Variants in TMEM45A observed in about 807,000 individuals in gnomAD.
The protein encoded by TMEM45A is transmembrane protein 45A, also known as DNA polymerase-transactivated protein 4.
In TMEM45A, 25 loss-of-function variants were observed where a neutral mutation model predicts 32.0. That is an observed-to-expected ratio of 0.78 (90% CI 0.57 to 1.09). The LOEUF (loss-of-function observed/expected upper bound fraction) is 1.09. Among genes scored for constraint, TMEM45A ranks in the 50% least tolerant of loss-of-function variants. The pLI is 0.00. For synonymous variants in TMEM45A, 122 were observed against 114.8 expected, an observed-to-expected ratio of 1.06 and a Z score of -0.40; for missense variants, 302 against 325.0, an observed-to-expected ratio of 0.93 and a Z score of 0.54.
chr3:100,517,581 C>A (rs900877067), intron 1 of TMEM45A, among the ~76,000 whole-genome samples: 1 of 152,202 alleles, frequency 6.6e-6, no homozygotes, highest in African/African-American at 2.4e-5. Flanking sequence ...TCACTGTCCC[C>A]ATGCCAAAGA....
At chr3:100,559,915 G>A (rs1485603878) in intron 4 of TMEM45A, among the ~76,000 whole-genome samples, 1 of 152,110 alleles carries the variant, frequency 6.6e-6, no homozygotes, top group Non-Finnish European at 1.5e-5. Flanking sequence ...AACAAAAACA[G>A]GCCAAAGAAA....
chr3:100,548,923 T>A (rs1163781363), intron 1 of TMEM45A, among the ~76,000 whole-genome samples: 2 of 152,164 alleles, frequency 1.3e-5, no homozygotes, highest in Non-Finnish European at 2.9e-5. Context: ...CCTGTGGCGA[T>A]CTCTTTCTTG....
chr3:100,572,374 GT>G (rs1226408595), intron 5 of TMEM45A: 1 of 152,056 alleles, frequency 6.6e-6, no homozygotes, highest in Admixed American at 6.6e-5. Context: ...TTTTTCATGT[GT>G]TTTTTGGCTA....
intron 1 of TMEM45A, among the ~76,000 whole-genome samples, chr3:100,515,707 C>G (rs1708251692): frequency 6.6e-6 from 1 of 151,574 alleles, no homozygotes. Context: ...ATTGATGGAA[C>G]TGCAGGTCAT....
chr3:100,512,296 A>G (rs1460773735), intron 1 of TMEM45A, among the ~76,000 whole-genome samples: 7 of 152,356 alleles, frequency 4.6e-5, no homozygotes, highest in Non-Finnish European at 1.5e-5. Flanking sequence ...AGTGCAATCA[A>G]ACTAGAACTC....
intron 1 of TMEM45A, among the ~76,000 whole-genome samples, chr3:100,516,660 T>C (rs962901066): frequency 2.6e-5 from 4 of 152,194 alleles, no homozygotes; most frequent in Non-Finnish European, 5.9e-5. Flanking sequence ...ACAGAAATTG[T>C]AAAGACTCAG....
rs1267316028 is a variant in TMEM45A at position 100,537,045 on chromosome 3, C to T, written c.-3-18164C>T. On this transcript the variant is annotated intron_variant, in intron 1 of 5. Transcript: ENST00000323523. ...CAAGTGATTCTACTGCCTCAGCCTCCTGAGTAGCTGGGATTACGGGCACCC... is the reference window on the plus strand; with the variant it reads ...CAAGTGATTCTACTGCCTCAGCCTCTTGAGTAGCTGGGATTACGGGCACCC... Among the ~76,000 whole-genome samples the T allele has an allele frequency of 2.0e-5, 3 of 152,172 alleles. No homozygotes were observed. In the East Asian group the frequency reaches 5.8e-4, roughly 29 times the overall value.
chr3:100,523,486 G>A (rs1329157427), intron 1 of TMEM45A, among the ~76,000 whole-genome samples: 2 of 152,228 alleles, frequency 1.3e-5, no homozygotes, highest in African/African-American at 4.8e-5. Flanking sequence ...TGCAGTGAGG[G>A]AGATCCAAGA....
rs968586799 is a variant in TMEM45A at position 100,569,053 on chromosome 3, A to G, written c.734+86A>G. 10 of 1,401,398 alleles carry G rather than the reference A, an allele frequency of 7.1e-6. No homozygotes were observed. The African/African-American group carries it at 1.0e-4, about 14-fold the overall frequency. The allele number at this position is 1,401,398 out of a possible 1,614,324, so 86.8% of individuals were successfully genotyped here. A position where few individuals can be genotyped will look rare whatever the true frequency, so the allele number is the denominator to read the frequency against. On this transcript the variant is annotated intron_variant, in intron 5 of 5. Coordinates refer to ENST00000323523, the MANE Select transcript of TMEM45A (RefSeq NM_018004.3). ...AGTGGTATTGAATTTAAAATTCAAA[A>G]GGGTATTTCATTCCTTATCATCCCA...
intron 1 of TMEM45A, among the ~76,000 whole-genome samples, chr3:100,534,734 A>C (rs1322376648): frequency 6.6e-6 from 1 of 152,234 alleles, no homozygotes; most frequent in Non-Finnish European, 1.5e-5. Context: ...TGCTGTAGAA[A>C]GTGCACTGTC....
chr3:100,546,114 A>G (rs1466684978), intron 1 of TMEM45A, among the ~76,000 whole-genome samples: 2 of 152,184 alleles, frequency 1.3e-5, no homozygotes, highest in Non-Finnish European at 2.9e-5. Flanking sequence ...CTATGAGCCA[A>G]GGAATGGAGG....
chr3:100,576,925 GT>G lies in TMEM45A; in HGVS notation c.737del (p.Leu246TrpfsTer17). The G allele has an allele frequency of 6.2e-7, 1 of 1,610,040 alleles. No homozygotes were observed. Among genetic ancestry groups the G allele is most frequent in the Non-Finnish European group, 8.5e-7 (1 of 1,177,374 alleles). ...VGMNYAFITWLVKSRLKRLCS... is the reference protein window; with the variant it reads ...VGMNYAFITWXVKSRLKRLCS... ...TTGAGATGCTTTTCTTTCTCCTCAG[GT>G]TGGTTAAATCTAGACTTAAGAGGCT... On this transcript the variant is annotated frameshift_variant and splice_region_variant, in exon 6 of 6. Transcript: ENST00000323523. LOFTEE classifies it high-confidence loss of function.
chr3:100,505,017 T>C (rs1365482029), intron 1 of TMEM45A, among the ~76,000 whole-genome samples: 1 of 149,888 alleles, frequency 6.7e-6, no homozygotes, highest in Admixed American at 6.7e-5. Context: ...GATGGAGGGG[T>C]CATTCCAAAT....
chr3:100,539,356 A>T (rs1705804842), intron 1 of TMEM45A, among the ~76,000 whole-genome samples: 1 of 152,024 alleles, frequency 6.6e-6, no homozygotes, highest in Non-Finnish European at 1.5e-5. Flanking sequence ...TGAAAAAATA[A>T]GTCTTTTTAA....
intron 1 of TMEM45A, among the ~76,000 whole-genome samples, chr3:100,545,034 G>T (rs1705957064): frequency 1.3e-5 from 2 of 152,198 alleles, no homozygotes; most frequent in Admixed American, 6.5e-5. Context: ...ATTCTAGTGA[G>T]TGTGTATTGG....
At chr3:100,531,377 T>A (rs1160039168) in intron 1 of TMEM45A, among the ~76,000 whole-genome samples, 1 of 152,166 alleles carries the variant, frequency 6.6e-6, no homozygotes, top group East Asian at 1.9e-4. Flanking sequence ...CAATAATGAT[T>A]GAGAAACATT....
intron 1 of TMEM45A, among the ~76,000 whole-genome samples, chr3:100,503,077 C>T (rs1386231807): frequency 2.6e-5 from 4 of 151,462 alleles, no homozygotes; most frequent in African/African-American, 9.7e-5. Flanking sequence ...CCTCCTCCTC[C>T]TCCTTCTTCC....
At chr3:100,503,192 G>A (rs1708031613) in intron 1 of TMEM45A, among the ~76,000 whole-genome samples, 1 of 151,970 alleles carries the variant, frequency 6.6e-6, no homozygotes, top group Non-Finnish European at 1.5e-5. Context: ...TGCAGCCTCC[G>A]CCTACTGGGT....
chr3:100,518,949 A>T (rs1338678036), intron 1 of TMEM45A: 1 of 152,764 alleles, frequency 6.5e-6, no homozygotes, highest in Non-Finnish European at 1.5e-5. Flanking sequence ...ATAGCCATTA[A>T]AGAAAAATCT....
Sources: gnomAD v4.1 joint callset for allele counts (sites outside exome capture counted in the v4.1 genomes callset) on GRCh38, gnomAD v4.1.1 for gene constraint, MANE v1.5 for transcripts, NCBI Gene and HGNC (gene_info 2026-07-23, HGNC 2026-07-21) for gene names.